The following FBN2 variants were observed in gnomAD, a reference collection of about 807,000 sequenced individuals.
The protein encoded by FBN2 is fibrillin-2.
Under a neutral mutation model 355.6 loss-of-function variants are expected in FBN2, and 105 were observed. That is an observed-to-expected ratio of 0.30 (90% CI 0.25 to 0.35). The LOEUF (loss-of-function observed/expected upper bound fraction) is 0.35. Ranked by LOEUF, FBN2 falls within the 10% of genes least tolerant of loss-of-function variation. The pLI is 1.00. For synonymous variants in FBN2, 1,350 were observed against 1,301.2 expected, an observed-to-expected ratio of 1.04 and a Z score of -0.81; for missense variants, 3,280 against 3,758.7, an observed-to-expected ratio of 0.87 and a Z score of 3.33.
chr5:128,499,356 G>T (rs1755742240), intron 5 of FBN2, among the ~76,000 whole-genome samples: 1 of 152,102 alleles, frequency 6.6e-6, no homozygotes, highest in Admixed American at 6.5e-5. Flanking sequence ...ATGCCCTGGG[G>T]TACTTTGTAA....
chr5:128,272,163 A>G (rs557937082), intron 61 of FBN2, 45 bp from the exon 62 acceptor site: 2 of 1,612,686 alleles, frequency 1.2e-6, no homozygotes, highest in East Asian at 4.5e-5. Flanking sequence ...CCTTTCTTCT[A>G]CTATTTTTAA....
At chr5:128,431,383 T>C (rs1490929803) in intron 7 of FBN2, among the ~76,000 whole-genome samples, 1 of 152,234 alleles carries the variant, frequency 6.6e-6, no homozygotes, top group East Asian at 1.9e-4. Context: ...GTACTGAACC[T>C]GATTGCTGTC....
chr5:128,334,456 G>T (rs1233559139), intron 31 of FBN2, among the ~76,000 whole-genome samples: 1 of 152,002 alleles, frequency 6.6e-6, no homozygotes, highest in Non-Finnish European at 1.5e-5. Flanking sequence ...AGTGGTCAGG[G>T]CCATGGGAAC....
At chr5:128,469,357 T>A (rs1156792933) in intron 5 of FBN2, among the ~76,000 whole-genome samples, 1 of 151,978 alleles carries the variant, frequency 6.6e-6, no homozygotes, top group Non-Finnish European at 1.5e-5. Context: ...GGTGAAACCC[T>A]GTCTCTATTA....
At chr5:128,341,387 G>A (rs1463869690) in intron 25 of FBN2, among the ~76,000 whole-genome samples, 2 of 152,178 alleles carry the variant, frequency 1.3e-5, no homozygotes, top group Non-Finnish European at 2.9e-5. Flanking sequence ...AACTTAACAG[G>A]TTGGGAGATC....
Position 128,408,814 on chromosome 5 carries a change from A to G in FBN2, c.953-15T>C, listed in dbSNP as rs1561442402. 1 of 1,613,864 alleles carries G rather than the reference A, an allele frequency of 6.2e-7. No individual in the cohort carries two copies. Among genetic ancestry groups the G allele is most frequent in the Non-Finnish European group, 8.5e-7 (1 of 1,179,770 alleles). On this transcript the variant is annotated splice_polypyrimidine_tract_variant and intron_variant, in intron 7 of 64. Coordinates refer to ENST00000262464, the MANE Select transcript of FBN2 (RefSeq NM_001999.4). ...CTCATCAATGTCTAATCAAGGGAAG[A>G]AGGAGAAGATGATTGAGAAAGGCCT... is the stretch of plus-strand genomic sequence containing the variant.
At chr5:128,378,645 C>T (rs904387925) in intron 12 of FBN2, 126 bp downstream of exon 12, 29 of 1,034,832 alleles carry the variant, frequency 2.8e-5, no homozygotes, top group Non-Finnish European at 2.9e-6. Flanking sequence ...GAGGGTATTA[C>T]AAATAAATCT....
chr5:128,339,127 G>A, intron 25 of FBN2, 66 bp from the exon 26 acceptor site: 1 of 1,544,796 alleles, frequency 6.5e-7, no homozygotes, highest in Non-Finnish European at 8.9e-7. Flanking sequence ...CCAAGCGAAG[G>A]TGCTGCATGC....
Position 128,338,077 on chromosome 5 carries a change from G to C in FBN2, c.3518C>G (p.Thr1173Ser), listed in dbSNP as rs199678757. The change falls in exon 27 of 65, where the codon ACC becomes AGC. Residue 1173 changes from threonine to serine, a missense_variant. Thr to Ser is a moderately conservative substitution (Grantham distance 58). Around this residue, in one of 6 missense-constraint regions of FBN2, gnomAD observed 2,284 missense variants for 2,749.5 expected, o/e 0.83. Coordinates refer to ENST00000262464, the MANE Select transcript of FBN2 (RefSeq NM_001999.4). ...ERNPLLCRGG[T>S]CVNTEGSFQC... ...AAAGCTGCCCTCAGTGTTCACACAG[G>C]TGCCACCCCTACAAAGGAGAGGGTT... 739 of 1,614,020 alleles carry C rather than the reference G, an allele frequency of 4.6e-4. 14 individuals carry two copies. The East Asian group carries it at 0.016, about 36-fold the overall frequency.
At chr5:128,329,298 T>C (rs963913428) in intron 33 of FBN2, among the ~76,000 whole-genome samples, 7 of 152,162 alleles carry the variant, frequency 4.6e-5, no homozygotes, top group Non-Finnish European at 2.9e-5. Context: ...TTCTTTCATG[T>C]CATTACAATC....
At chr5:128,331,233 G>A (rs749959773) in intron 32 of FBN2, among the ~76,000 whole-genome samples, 34 of 152,176 alleles carry the variant, frequency 2.2e-4, no homozygotes, top group Non-Finnish European at 4.0e-4. Flanking sequence ...AATAAAAAAG[G>A]CATCTGATTT....
At chr5:128,384,617 A>G (rs775207120) in intron 11 of FBN2, among the ~76,000 whole-genome samples, 3 of 152,080 alleles carry the variant, frequency 2.0e-5, no homozygotes, top group African/African-American at 4.8e-5. Context: ...GTTTTACAGC[A>G]TATCTTTAAG....
rs138333698 is a variant in FBN2 at position 128,393,750 on chromosome 5, C to T, written c.1232-382G>A. ...CTATCTGTATGGTTTTACTTACATT[C>T]TCTTCAGCATTATACCTATACATTT... On this transcript the variant is annotated intron_variant, in intron 9 of 64. Transcript: ENST00000262464. Among the ~76,000 whole-genome samples the T allele has an allele frequency of 1.7e-3, 253 of 152,306 alleles. 2 individuals are homozygous for T. The highest frequency in any genetic ancestry group is 5.8e-3 in the African/African-American group (241 of 41,574).
At chr5:128,514,537 G>C (rs1756227401) in intron 5 of FBN2, among the ~76,000 whole-genome samples, 1 of 152,002 alleles carries the variant, frequency 6.6e-6, no homozygotes, top group Non-Finnish European at 1.5e-5. Context: ...GCCTAATACT[G>C]TAAGAGTACT....
At chr5:128,311,538 A>G in intron 38 of FBN2, 113 bp from the exon 39 acceptor site, 4 of 1,105,938 alleles carry the variant, frequency 3.6e-6, no homozygotes, top group African/African-American at 1.5e-5. Flanking sequence ...ATGCATCCAA[A>G]TGAACGCACA....
intron 53 of FBN2, among the ~76,000 whole-genome samples, chr5:128,287,989 G>T (rs923096818): frequency 1.3e-5 from 2 of 152,202 alleles, no homozygotes; most frequent in African/African-American, 4.8e-5. Context: ...ACTGACAGAT[G>T]AGCCACCGCC....
intron 4 of FBN2, among the ~76,000 whole-genome samples, chr5:128,524,300 A>G (rs1179317799): frequency 1.3e-5 from 2 of 152,096 alleles, no homozygotes; most frequent in Admixed American, 1.3e-4. Context: ...GATGTAAAAT[A>G]GCAGACAACT....
At chr5:128,449,350 TAC>T (rs1754160151) in intron 6 of FBN2, among the ~76,000 whole-genome samples, 1 of 100,960 alleles carries the variant, frequency 9.9e-6, no homozygotes, top group Admixed American at 9.3e-5. Flanking sequence ...TTACATAGTA[TAC>T]TATATAGTAT....
Position 128,287,294 on chromosome 5 carries a change from G to A in FBN2, c.6880+14C>T. On this transcript the variant is annotated intron_variant, in intron 54 of 64. Coordinates refer to ENST00000262464, the MANE Select transcript of FBN2 (RefSeq NM_001999.4). ...CAAATAAAGTTCGAACTACTCCCGA[G>A]TCTGAGGCCTTACCTTTGCACATCT... is the stretch of plus-strand genomic sequence containing the variant. 1.2e-6 allele frequency: 2 copies of A among 1,613,714 alleles called. No homozygotes were observed. The highest frequency in any genetic ancestry group is 8.5e-7 in the Non-Finnish European group (1 of 1,179,676).
Sources: gnomAD v4.1 joint callset for allele counts (sites outside exome capture counted in the v4.1 genomes callset) on GRCh38, gnomAD v4.1.1 for gene constraint, gnomAD v4.1.1 regional missense constraint, MANE v1.5 for transcripts, NCBI Gene and HGNC (gene_info 2026-07-23, HGNC 2026-07-21) for gene names.